Variants in TOPBP1 observed in about 807,000 individuals in gnomAD.
TOPBP1 encodes the protein DNA topoisomerase 2-binding protein 1.
Under a neutral mutation model 167.7 loss-of-function variants are expected in TOPBP1, and 28 were observed. The observed-to-expected ratio is 0.17, with a 90% CI of 0.12 to 0.23. The LOEUF (loss-of-function observed/expected upper bound fraction) is 0.23, where lower values mean the gene tolerates loss of function less well. Ranked by LOEUF, TOPBP1 falls within the 10% of genes least tolerant of loss-of-function variation. The probability of loss-of-function intolerance (pLI) is 1.00; values close to 1 mark genes in which losing one functional copy is unlikely to be tolerated. For synonymous variants in TOPBP1, 598 were observed against 611.4 expected (o/e 0.98, Z 0.32); for missense variants, 1,554 against 1,809.6 (o/e 0.86, Z 2.56).
At chr3:133,620,423 A>C (rs953221583) in intron 19 of TOPBP1, 76 bp from the exon 20 acceptor site, 1 of 1,471,478 alleles carries the variant, frequency 6.8e-7, no homozygotes. Context: ...TATTTTGTTT[A>C]GACCTGGTTG....
chr3:133,602,711 G>A (rs549295431), intron 27 of TOPBP1, among the ~76,000 whole-genome samples: 1 of 152,238 alleles, frequency 6.6e-6, no homozygotes, highest in South Asian at 2.1e-4. Flanking sequence ...TGCCATTATA[G>A]TGCAAAAGCA....
intron 14 of TOPBP1, among the ~76,000 whole-genome samples, chr3:133,631,283 C>T (rs1164135161): frequency 6.6e-6 from 1 of 152,138 alleles, no homozygotes; most frequent in African/African-American, 2.4e-5. Flanking sequence ...ACCTAATTGT[C>T]CAATTTGAAT....
intron 14 of TOPBP1, among the ~76,000 whole-genome samples, chr3:133,637,607 T>TGTTAAATGATTGGCCTA (rs1935722596): frequency 6.6e-6 from 1 of 152,244 alleles, no homozygotes. Context: ...AGCTCAGATA[T>TGTTAAATGATTGGCCTA]GTTAAATGAT....
chr3:133,632,455 T>G (rs2107799691), intron 14 of TOPBP1, among the ~76,000 whole-genome samples: 1 of 152,276 alleles, frequency 6.6e-6, no homozygotes, highest in South Asian at 2.1e-4. Flanking sequence ...GGGGTAGTTC[T>G]TTATAGCAAT....
intron 16 of TOPBP1, chr3:133,628,077 C>T: frequency 2.8e-6 from 1 of 352,796 alleles, no homozygotes; most frequent in Non-Finnish European, 5.3e-6. Context: ...CTATACTGAT[C>T]CTTCATGGAT....
In TOPBP1 at chr3:133,656,760, T is replaced by C. The variant is rs765241970; in HGVS notation, c.461A>G (p.Lys154Arg). The change falls in exon 5 of 28, where the codon AAA becomes AGA. Residue 154 changes from lysine to arginine, a missense_variant. Physicochemically the swap from Lys to Arg is conservative, Grantham distance 26. Around this residue, in one of 3 missense-constraint regions of TOPBP1, gnomAD observed 1,197 missense variants for 1,351.5 expected, o/e 0.89. Transcript: ENST00000260810. ...THLIAGEVGS[K>R]KYLVAANLKK... ...CAGGTTTGCAGCAACTAAATATTTT[T>C]TGCTACCAACTTCTCCTGCAATAAG... is the stretch of plus-strand genomic sequence containing the variant. The C allele has an allele frequency of 6.2e-7, 1 of 1,612,914 alleles. No individual in the cohort carries two copies. Among genetic ancestry groups the C allele is most frequent in the Non-Finnish European group, 8.5e-7 (1 of 1,179,502 alleles).
At chr3:133,655,077 G>A (rs752614853) in intron 6 of TOPBP1, among the ~76,000 whole-genome samples, 2 of 152,064 alleles carry the variant, frequency 1.3e-5, no homozygotes, top group East Asian at 1.9e-4. Flanking sequence ...GTGGTGGCAG[G>A]TGCCTGTAAT....
intron 16 of TOPBP1, among the ~76,000 whole-genome samples, chr3:133,627,250 A>G (rs1195175979): frequency 2.0e-5 from 3 of 152,180 alleles, no homozygotes; most frequent in Non-Finnish European, 4.4e-5. Context: ...CATACATCCT[A>G]TATGTTCCCT....
At position 133,613,120 on chromosome 3, in the gene TOPBP1, C is replaced by T. The variant is rs57230953; in HGVS notation, c.3872-568G>A. On this transcript the variant is annotated intron_variant, in intron 23 of 27. Coordinates refer to ENST00000260810, the MANE Select transcript of TOPBP1 (RefSeq NM_007027.4). ...AAATGATCCACCTGCCTCAGCCTCC[C>T]GAAGTGCTGGGATTACAGGCGTGAG... Among the ~76,000 whole-genome samples, 1,080 of 152,228 alleles carry T rather than the reference C, an allele frequency of 7.1e-3. 17 individuals are homozygous for T. The highest frequency in any genetic ancestry group is 0.022 in the African/African-American group (921 of 41,532).
At chr3:133,635,985 G>A (rs1451936682) in intron 14 of TOPBP1, among the ~76,000 whole-genome samples, 1 of 151,632 alleles carries the variant, frequency 6.6e-6, no homozygotes, top group East Asian at 1.9e-4. Flanking sequence ...ATCTAAATAA[G>A]GGTTAAAGAA....
chr3:133,616,934 A>T lies in TOPBP1; in HGVS notation c.3760-9T>A. 2 of 1,470,248 alleles carry T rather than the reference A, an allele frequency of 1.4e-6. No homozygotes were observed. Among genetic ancestry groups the T allele is most frequent in the Admixed American group, 5.7e-5 (2 of 35,348 alleles). The allele number at this position is 1,470,248 out of a possible 1,614,324, so 91.1% of individuals were successfully genotyped here. A position where few individuals can be genotyped will look rare whatever the true frequency, so the allele number is the denominator to read the frequency against. On this transcript the variant is annotated splice_polypyrimidine_tract_variant and intron_variant, in intron 22 of 27. Coordinates refer to ENST00000260810, the MANE Select transcript of TOPBP1 (RefSeq NM_007027.4). The stretch of plus-strand genomic sequence containing the variant: ...TCCTCTATCGTTATAATCTGGAATG[A>T]AAGTTTTACTTTAGAAAAAATTAAC...
intron 16 of TOPBP1, among the ~76,000 whole-genome samples, chr3:133,625,088 T>C (rs551616637): frequency 1.3e-5 from 2 of 152,276 alleles, no homozygotes; most frequent in South Asian, 4.1e-4. Flanking sequence ...TATCTCAGCC[T>C]CCTGAGCAGC....
chr3:133,627,740 C>G (rs1242058111), intron 16 of TOPBP1, among the ~76,000 whole-genome samples: 1 of 152,116 alleles, frequency 6.6e-6, no homozygotes, highest in Non-Finnish European at 1.5e-5. Flanking sequence ...GGAGTACAGT[C>G]AACTCAGGAC....
chr3:133,644,417 C>A, intron 10 of TOPBP1, 54 bp from the exon 11 acceptor site: 2 of 1,425,278 alleles, frequency 1.4e-6, no homozygotes, highest in South Asian at 2.9e-5. Context: ...ATACAGTTTA[C>A]TTCCTAGCAA....
At chr3:133,631,890 G>A (rs1935497270) in intron 14 of TOPBP1, among the ~76,000 whole-genome samples, 1 of 151,806 alleles carries the variant, frequency 6.6e-6, no homozygotes, top group African/African-American at 2.4e-5. Flanking sequence ...CACCCACCTT[G>A]GCCTCCCAAA....
Position 133,618,296 on chromosome 3 carries a change from T to G in TOPBP1, c.3509A>C (p.Tyr1170Ser), listed in dbSNP as rs1047328172. The G allele has an allele frequency of 2.0e-5, 33 of 1,613,970 alleles. No individual in the cohort carries two copies. Among genetic ancestry groups the G allele is most frequent in the Non-Finnish European group, 2.8e-5 (33 of 1,179,876 alleles). The change falls in exon 21 of 28, where the codon TAC (tyrosine) becomes TCC (serine). Residue 1170 changes from tyrosine to serine, a missense_variant. Tyr to Ser is a moderately radical substitution (Grantham distance 144). This residue lies in a region of TOPBP1 where 351 missense variants were observed against 432.9 expected (regional missense o/e 0.81). Coordinates refer to ENST00000260810, the MANE Select transcript of TOPBP1 (RefSeq NM_007027.4). ...NLQWPSCPTQ[Y>S]SELQVDIQNL... ...TTGAATGTCAACCTGAAGCTCAGAG[T>G]ATTGTGTGGGACAACTAGGCCACTG...
chr3:133,632,581 G>C (rs1245421426), intron 14 of TOPBP1, among the ~76,000 whole-genome samples: 1 of 152,018 alleles, frequency 6.6e-6, no homozygotes, highest in African/African-American at 2.4e-5. Context: ...AAGCATTTTA[G>C]AGGATTCCTT....
In TOPBP1 at chr3:133,612,506, G is replaced by A; in HGVS notation, c.3918C>T (p.His1306=). 2 of 1,613,894 alleles carry A rather than the reference G, an allele frequency of 1.2e-6. No homozygotes were observed. Among genetic ancestry groups the A allele is most frequent in the Admixed American group, 1.7e-5 (1 of 60,000 alleles). ...EKQCFDPTCT[H]IVVGHPLRNE... ...TTCGAAGTGGATGTCCCACAACAATGTGTGTACAGGTGGGATCAAAGCACT... is the reference window on the plus strand; with the variant it reads ...TTCGAAGTGGATGTCCCACAACAATATGTGTACAGGTGGGATCAAAGCACT... Residue 1306 remains histidine (H), a synonymous_variant, in exon 24 of 28, where the codon CAC becomes CAT. Transcript: ENST00000260810.
chr3:133,626,653 GT>G lies in TOPBP1; in HGVS notation c.2804+1708del, dbSNP rs1935276842. 3.3e-5 allele frequency among the ~76,000 whole-genome samples: 5 copies of G among 152,306 alleles called. No individual in the cohort carries two copies. In the South Asian group the frequency reaches 1.0e-3, roughly 32 times the overall value. On this transcript the variant is annotated intron_variant, in intron 16 of 27. Coordinates refer to ENST00000260810, the MANE Select transcript of TOPBP1 (RefSeq NM_007027.4). ...CCAGATCGGTCTCAGCCTTGGGACT[GT>G]TGGATTTGTGGTGCCTTTACATAGG...
Sources: gnomAD v4.1 joint callset for allele counts (sites outside exome capture counted in the v4.1 genomes callset) on GRCh38, gnomAD v4.1.1 for gene constraint, gnomAD v4.1.1 regional missense constraint, MANE v1.5 for transcripts, NCBI Gene and HGNC (gene_info 2026-07-23, HGNC 2026-07-21) for gene names.